The following TRERF1 variants were observed in gnomAD, a reference collection of about 807,000 sequenced individuals.
TRERF1 encodes the protein transcriptional regulating factor 1.
In TRERF1, 27 loss-of-function variants were observed where a neutral mutation model predicts 122.9. The ratio of observed to expected loss-of-function variants is 0.22; its 90% confidence interval spans 0.16 to 0.30. The LOEUF is 0.30. Ranked by LOEUF, TRERF1 falls within the 10% of genes least tolerant of loss-of-function variation. The probability of loss-of-function intolerance (pLI) is 1.00; values close to 1 mark genes in which losing one functional copy is unlikely to be tolerated. For missense variants in TRERF1, 1,248 were observed against 1,560.3 expected (o/e 0.80, Z 3.37); for synonymous variants, 636 against 641.7 (o/e 0.99, Z 0.13).
intron 3 of TRERF1, among the ~76,000 whole-genome samples, chr6:42,337,710 G>A (rs1766469237): frequency 6.6e-6 from 1 of 152,162 alleles, no homozygotes; most frequent in South Asian, 2.1e-4. Flanking sequence ...CAGGGGAGGA[G>A]CTTAAGCAGG....
chr6:42,289,411 T>C (rs1424215036), intron 4 of TRERF1, among the ~76,000 whole-genome samples: 1 of 151,596 alleles, frequency 6.6e-6, no homozygotes, highest in Admixed American at 6.6e-5. Context: ...GGCCACAGTG[T>C]AGATCAAGGG....
intron 16 of TRERF1, among the ~76,000 whole-genome samples, chr6:42,233,785 C>T (rs966126898): frequency 6.6e-6 from 1 of 152,108 alleles, no homozygotes; most frequent in African/African-American, 2.4e-5. Context: ...CTATCTACCC[C>T]GAGGAAGCCC....
chr6:42,424,945 A>G (rs1421100510), intron 2 of TRERF1, among the ~76,000 whole-genome samples: 1 of 152,182 alleles, frequency 6.6e-6, no homozygotes, highest in Non-Finnish European at 1.5e-5. Context: ...GCCTCTGTGT[A>G]TCTGTTGAAT....
Position 42,243,228 on chromosome 6 carries a change from A to G in TRERF1, c.2859+20T>C, listed in dbSNP as rs376916199. ...TGGGAGCTGTCCCAGCACAAGCAAC[A>G]ACTTAGCAGCTTCACTCACCACACA... On this transcript the variant is annotated intron_variant, in intron 15 of 17. Coordinates refer to ENST00000372922, the Ensembl canonical transcript of TRERF1. The G allele has an allele frequency of 3.1e-6, 5 of 1,606,108 alleles. No individual in the cohort carries two copies. In the African/African-American group the frequency reaches 6.7e-5, roughly 21 times the overall value.
Position 42,259,520 on chromosome 6 carries a change from G to A in TRERF1, c.2088C>T (p.His696=), listed in dbSNP as rs1335030871. 6.2e-7 allele frequency: 1 copy of A among 1,613,010 alleles called. No individual in the cohort carries two copies. The highest frequency in any genetic ancestry group is 8.5e-7 in the Non-Finnish European group (1 of 1,179,732). ...GCTCGTGGGTGGGGTCCAGGAGCAG[G>A]TGGTCCCCGAGGACGCGCGGGGAGC... The change falls in exon 9 of 18, where the codon CAC becomes CAT. Residue 696 remains histidine, a synonymous_variant. Coordinates refer to ENST00000372922, the Ensembl canonical transcript of TRERF1. This position sits in a 1 kb window ranked among gnomAD's most constrained non-coding sequence, Gnocchi z 4.9.
At chr6:42,438,283 G>A (rs1198649893) in intron 2 of TRERF1, among the ~76,000 whole-genome samples, 1 of 151,796 alleles carries the variant, frequency 6.6e-6, no homozygotes, top group Non-Finnish European at 1.5e-5. Context: ...AGGTCGCCAT[G>A]GCCAGAGCAC....
At chr6:42,280,666 T>C (rs1782145687) in intron 4 of TRERF1, among the ~76,000 whole-genome samples, 1 of 152,094 alleles carries the variant, frequency 6.6e-6, no homozygotes, top group South Asian at 2.1e-4. Context: ...AGGCTCCTCA[T>C]TCAAGGGTCC....
intron 13 of TRERF1, among the ~76,000 whole-genome samples, chr6:42,249,573 T>TG (rs1775392688): frequency 6.6e-6 from 1 of 152,216 alleles, no homozygotes; most frequent in Non-Finnish European, 1.5e-5. Context: ...TTAAGACTGC[T>TG]GCTCTGTCAT....
At position 42,353,286 on chromosome 6, in the gene TRERF1, GA is replaced by G. The variant is rs1010290048; in HGVS notation, c.-371+9710del. ...CCAGAGTTGTTTGAATAGGAAGATG[GA>G]AAAAAAAAACAACTCAGGGCCGGGT... On this transcript the variant is annotated intron_variant, in intron 3 of 17. Transcript: ENST00000372922. Among the ~76,000 whole-genome samples the G allele has an allele frequency of 4.8e-5, 7 of 147,100 alleles. No individual in the cohort carries two copies. In the East Asian group the frequency reaches 8.0e-4, roughly 17 times the overall value.
intron 3 of TRERF1, among the ~76,000 whole-genome samples, chr6:42,353,412 C>T (rs1054517034): frequency 7.9e-5 from 12 of 151,914 alleles, no homozygotes; most frequent in Admixed American, 1.3e-4. Flanking sequence ...CATGGTGGAA[C>T]GCTCTCTTTA....
chr6:42,245,350 T>A (rs569225088), intron 14 of TRERF1, among the ~76,000 whole-genome samples: 32 of 152,382 alleles, frequency 2.1e-4, no homozygotes, highest in African/African-American at 7.7e-4. Context: ...GACAAAGTCC[T>A]CCTGCTTTTC....
chr6:42,387,260 A>C (rs1776962036), intron 2 of TRERF1, among the ~76,000 whole-genome samples: 2 of 152,372 alleles, frequency 1.3e-5, no homozygotes, highest in Non-Finnish European at 2.9e-5. Flanking sequence ...AAGTTTCAAA[A>C]TACAAATCTA....
chr6:42,263,512 A>AGGCGGAGGCGGCAGTGGTGGCTGG lies in TRERF1; in HGVS notation c.1668_1691dup (p.Gln557_Pro564dup). 2 of 1,566,342 alleles carry AGGCGGAGGCGGCAGTGGTGGCTGG rather than the reference A, an allele frequency of 1.3e-6. No individual in the cohort carries two copies. Among genetic ancestry groups the AGGCGGAGGCGGCAGTGGTGGCTGG allele is most frequent in the Non-Finnish European group, 1.7e-6 (2 of 1,154,400 alleles). On this transcript the variant is annotated inframe_insertion, in exon 8 of 18. Coordinates refer to ENST00000372922, the Ensembl canonical transcript of TRERF1. The surrounding 1 kb of genome is among the most constrained non-coding windows in gnomAD (Gnocchi z 5.6). Reference sequence around the variant, plus strand: ...GGAGCTGTGGTGGCGGCGGAGGCGGAGGCGGAGGCGGCAGTGGTGGCTGGG... The same window carrying AGGCGGAGGCGGCAGTGGTGGCTGG: ...GGAGCTGTGGTGGCGGCGGAGGCGGAGGCGGAGGCGGCAGTGGTGGCTGGGGCGGAGGCGGCAGTGGTGGCTGGG...
chr6:42,426,366 T>C (rs1304762216), intron 2 of TRERF1, among the ~76,000 whole-genome samples: 1 of 152,134 alleles, frequency 6.6e-6, no homozygotes, highest in Non-Finnish European at 1.5e-5. Context: ...ACATGCCAAA[T>C]GTGAGTAAAC....
intron 7 of TRERF1, 63 bp downstream of exon 7, chr6:42,264,641 C>T (rs1194299025): frequency 1.3e-5 from 21 of 1,581,754 alleles, no homozygotes; most frequent in African/African-American, 9.4e-5. Context: ...CTCTGTCTGA[C>T]GGCAGCAAAG....
At chr6:42,265,934 C>A (rs1375241171) in intron 5 of TRERF1, 137 bp from the exon 6 acceptor site, 7 of 841,672 alleles carry the variant, frequency 8.3e-6, no homozygotes, top group African/African-American at 1.7e-5. Flanking sequence ...TGACCCCATT[C>A]ATGTCCACTC....
chr6:42,268,748 C>T lies in TRERF1; in HGVS notation c.843G>A (p.Gln281=). 2 of 1,614,186 alleles carry T rather than the reference C, an allele frequency of 1.2e-6. No homozygotes were observed. Among genetic ancestry groups the T allele is most frequent in the Non-Finnish European group, 1.7e-6 (2 of 1,180,038 alleles). ...TCTGTATTTCTTGCATGGAGATACG[C>T]TGTTGCCCGGCTTGCTGCTGTTGCT... The change falls in exon 5 of 18, where the codon CAG becomes CAA. Residue 281 remains glutamine (Q), a synonymous_variant. Coordinates refer to ENST00000372922, the Ensembl canonical transcript of TRERF1. This position sits in a 1 kb window ranked among gnomAD's most constrained non-coding sequence, Gnocchi z 4.4.
exon 18 of TRERF1, chr6:42,227,280 C>T (rs529603269): frequency 3.3e-5 from 5 of 152,182 alleles, no homozygotes; most frequent in Non-Finnish European, 7.3e-5. Context: ...AAAACTATTT[C>T]TTATAGCTAA....
chr6:42,367,383 G>C (rs950086775), intron 2 of TRERF1, among the ~76,000 whole-genome samples: 3 of 152,208 alleles, frequency 2.0e-5, no homozygotes, highest in African/African-American at 7.2e-5. Context: ...CCGGACCTCG[G>C]TGAATGCCCG....
Sources: allele counts gnomAD v4.1 joint callset (sites outside exome capture counted in the v4.1 genomes callset), GRCh38; gene constraint gnomAD v4.1.1; non-coding constraint Gnocchi (gnomAD v3.1); transcripts MANE v1.5; gene names NCBI Gene and HGNC (gene_info 2026-07-23, HGNC 2026-07-21).